The following SLIT2 variants were observed in gnomAD, a reference collection of about 807,000 sequenced individuals.
SLIT2 encodes the protein slit guidance ligand 2, also known as slit homolog 2 protein.
In SLIT2, 41 loss-of-function variants were observed where a neutral mutation model predicts 185.7. That is an observed-to-expected ratio of 0.22 (90% CI 0.17 to 0.29). SLIT2 has a LOEUF of 0.29. Among genes scored for constraint, SLIT2 ranks in the 10% least tolerant of loss-of-function variants. SLIT2 has a pLI of 1.00. For missense variants in SLIT2, 1,571 were observed against 1,909.0 expected (o/e 0.82, Z 3.30); for synonymous variants, 693 against 680.2 (o/e 1.02, Z -0.29).
At chr4:20,330,437 A>G (rs1411308522) in intron 4 of SLIT2, among the ~76,000 whole-genome samples, 1 of 152,140 alleles carries the variant, frequency 6.6e-6, no homozygotes, top group Admixed American at 6.6e-5. Context: ...ACTCCTCACT[A>G]TAACACAACA....
chr4:20,436,579 C>CAAATT (rs1167050282), intron 4 of SLIT2, among the ~76,000 whole-genome samples: 3 of 152,198 alleles, frequency 2.0e-5, no homozygotes, highest in African/African-American at 7.2e-5. Context: ...CATAAAACAT[C>CAAATT]AAATTAATTC....
chr4:20,337,898 A>G lies in SLIT2; in HGVS notation c.395+69017A>G, dbSNP rs1213233450. The stretch of plus-strand genomic sequence containing the variant: ...GTCAATTTGTGTTTTAAAAGAAAAA[A>G]AAAATGATGCCACTAAATACGCCAG... On this transcript the variant is annotated intron_variant, in intron 4 of 36. Coordinates refer to ENST00000504154, the MANE Select transcript of SLIT2 (RefSeq NM_004787.4). 2.0e-5 allele frequency among the ~76,000 whole-genome samples: 3 copies of G among 152,150 alleles called. No homozygotes were observed. In the East Asian group the frequency reaches 5.8e-4, roughly 29 times the overall value.
chr4:20,403,025 C>A (rs372389430), intron 4 of SLIT2, among the ~76,000 whole-genome samples: 1 of 151,564 alleles, frequency 6.6e-6, no homozygotes, highest in South Asian at 2.1e-4. Context: ...ACATTTATAT[C>A]CAAAGCTTGT....
rs1194196591 is a variant in SLIT2, at chr4:20,539,506, G to A, written c.1898G>A (p.Arg633His). Reference protein sequence around the residue: ...NDSFIGLSSVRLLSLYDNQIT... With the variant: ...NDSFIGLSSVHLLSLYDNQIT... ...AGTTTCATAGGACTCAGTTCTGTGC[G>A]TTTGCTTTCTTTGTATGATAATCAA... The change falls in exon 19 of 37, where the codon CGT becomes CAT. Residue 633 changes from arginine to histidine, a missense_variant. Transcript: ENST00000504154. The A allele has an allele frequency of 4.3e-6, 7 of 1,613,174 alleles. No individual in the cohort carries two copies. Among genetic ancestry groups the A allele is most frequent in the Middle Eastern group, 1.7e-4 (1 of 6,058 alleles).
intron 4 of SLIT2, among the ~76,000 whole-genome samples, chr4:20,437,832 G>A (rs1425602762): frequency 2.7e-5 from 4 of 147,168 alleles, no homozygotes; most frequent in South Asian, 2.2e-4. Context: ...GGAGAATGGC[G>A]TGAACCCAAG....
chr4:20,542,446 C>T, intron 20 of SLIT2, 48 bp from the exon 21 acceptor site: 1 of 1,604,550 alleles, frequency 6.2e-7, no homozygotes, highest in Non-Finnish European at 8.5e-7. Context: ...CTTCTAGCAC[C>T]TTCAAGACCA....
At chr4:20,508,488 A>G (rs548855007) in intron 9 of SLIT2, among the ~76,000 whole-genome samples, 1 of 152,250 alleles carries the variant, frequency 6.6e-6, no homozygotes, top group Non-Finnish European at 1.5e-5. Context: ...GTAATGTCTT[A>G]CAAAATGTTA....
intron 4 of SLIT2, among the ~76,000 whole-genome samples, chr4:20,300,361 G>A (rs191187264): frequency 6.6e-6 from 1 of 152,146 alleles, no homozygotes; most frequent in East Asian, 1.9e-4. Flanking sequence ...CTTATCAAAA[G>A]ACATTCTAAG....
At chr4:20,482,027 A>G (rs533962744) in intron 6 of SLIT2, among the ~76,000 whole-genome samples, 3 of 152,114 alleles carry the variant, frequency 2.0e-5, no homozygotes, top group South Asian at 4.1e-4. Flanking sequence ...TAAGACCACT[A>G]TTTAAATTGT....
At chr4:20,490,540 A>G (rs1197758146) in intron 8 of SLIT2, among the ~76,000 whole-genome samples, 7 of 152,318 alleles carry the variant, frequency 4.6e-5, no homozygotes, top group African/African-American at 1.4e-4. Flanking sequence ...TAAGAAACGT[A>G]TAATGCATCG....
At chr4:20,434,413 G>A (rs1175020493) in intron 4 of SLIT2, among the ~76,000 whole-genome samples, 1 of 152,170 alleles carries the variant, frequency 6.6e-6, no homozygotes, top group Non-Finnish European at 1.5e-5. Flanking sequence ...TTGAACCCGG[G>A]AGGCAGAGGT....
intron 4 of SLIT2, among the ~76,000 whole-genome samples, chr4:20,398,933 G>A (rs1424580106): frequency 6.6e-6 from 1 of 151,398 alleles, no homozygotes; most frequent in African/African-American, 2.4e-5. Flanking sequence ...AAATTAATTG[G>A]ACATTTAACC....
At chr4:20,448,590 G>A (rs1026965433) in intron 4 of SLIT2, among the ~76,000 whole-genome samples, 2 of 151,942 alleles carry the variant, frequency 1.3e-5, no homozygotes, top group African/African-American at 2.4e-5. Context: ...CAGAGTGCTG[G>A]GATTACAGGC....
intron 4 of SLIT2, among the ~76,000 whole-genome samples, chr4:20,361,534 A>G (rs527492987): frequency 6.6e-6 from 1 of 152,316 alleles, no homozygotes; most frequent in African/African-American, 2.4e-5. Context: ...GTAGCAGTGC[A>G]TTAAATATAG....
chr4:20,614,125 G>A (rs1332498354), intron 34 of SLIT2, among the ~76,000 whole-genome samples: 6 of 151,930 alleles, frequency 3.9e-5, no homozygotes, highest in African/African-American at 9.7e-5. Context: ...CACCCACCTC[G>A]GCCTCCCAAA....
Position 20,254,096 on chromosome 4 carries a change from C to T in SLIT2, c.179+102C>T, listed in dbSNP as rs1175462186. On this transcript the variant is annotated intron_variant, in intron 1 of 36. Coordinates refer to ENST00000504154, the MANE Select transcript of SLIT2 (RefSeq NM_004787.4). The surrounding 1 kb of genome is among the most constrained non-coding windows in gnomAD (Gnocchi z 5.1). ...CTCAGGGTCCTGTGCCTGGGGCAGC[C>T]CTCGCTAGCTCTCCCCCATGCACAT... 5.0e-6 allele frequency: 6 copies of T among 1,199,144 alleles called. No homozygotes were observed. Among genetic ancestry groups the T allele is most frequent in the Non-Finnish European group, 7.1e-6 (6 of 848,194 alleles). 74.3% of individuals were successfully genotyped at this position (1,199,144 alleles called of 1,614,324 possible). A position where few individuals can be genotyped will look rare whatever the true frequency, so the allele number is the denominator to read the frequency against.
intron 9 of SLIT2, among the ~76,000 whole-genome samples, chr4:20,508,471 A>G (rs529667002): frequency 6.6e-6 from 1 of 152,250 alleles, no homozygotes; most frequent in South Asian, 2.1e-4. Context: ...TTATGAAGGC[A>G]TTAAAAGTAA....
At chr4:20,418,618 C>T (rs1465149556) in intron 4 of SLIT2, among the ~76,000 whole-genome samples, 2 of 152,172 alleles carry the variant, frequency 1.3e-5, no homozygotes, top group Non-Finnish European at 1.5e-5. Flanking sequence ...AACCCGATAG[C>T]ATATGTTGTG....
intron 30 of SLIT2, among the ~76,000 whole-genome samples, chr4:20,590,928 A>G (rs1460121061): frequency 2.0e-5 from 3 of 152,324 alleles, no homozygotes; most frequent in South Asian, 4.1e-4. Context: ...TGTGTTACCT[A>G]TAAGAAATTT....
Sources: gnomAD v4.1 joint callset for allele counts (sites outside exome capture counted in the v4.1 genomes callset) on GRCh38, gnomAD v4.1.1 for gene constraint, Gnocchi (gnomAD v3.1) non-coding constraint, MANE v1.5 for transcripts, NCBI Gene and HGNC (gene_info 2026-07-23, HGNC 2026-07-21) for gene names.